The following CDC73 variants were observed in gnomAD, a reference collection of about 807,000 sequenced individuals.
The protein encoded by CDC73 is parafibromin.
A neutral mutation model predicts 83.7 loss-of-function variants in CDC73; 21 were observed. The ratio of observed to expected loss-of-function variants is 0.25; its 90% CI spans 0.18 to 0.36. The LOEUF is 0.36. Ranked by LOEUF, CDC73 falls within the 10% of genes least tolerant of loss-of-function variation. The pLI, the probability that CDC73 is intolerant of heterozygous loss-of-function variation, is 1.00. For missense variants in CDC73, 342 were observed against 653.3 expected, an observed-to-expected ratio of 0.52 and a Z score of 5.19; for synonymous variants, 224 against 212.9, an observed-to-expected ratio of 1.05 and a Z score of -0.45.
intron 2 of CDC73, among the ~76,000 whole-genome samples, chr1:193,129,026 C>T (rs1357333191): frequency 7.4e-6 from 1 of 134,968 alleles, no homozygotes; most frequent in African/African-American, 2.9e-5. Context: ...GAGACAGTGT[C>T]TCACTCTGTC....
At chr1:193,248,028 C>A (rs1468446225) in intron 15 of CDC73, among the ~76,000 whole-genome samples, 4 of 152,052 alleles carry the variant, frequency 2.6e-5, no homozygotes, top group Non-Finnish European at 4.4e-5. Context: ...ATGAAACAGC[C>A]TGTTATTGGA....
At chr1:193,128,321 T>C (rs1395331030) in intron 2 of CDC73, among the ~76,000 whole-genome samples, 17 of 151,940 alleles carry the variant, frequency 1.1e-4, no homozygotes, top group Admixed American at 5.2e-4. Context: ...TGAGACAGAG[T>C]CTTGCTCTGT....
intron 10 of CDC73, among the ~76,000 whole-genome samples, chr1:193,157,068 C>G (rs1676219829): frequency 6.6e-6 from 1 of 152,012 alleles, no homozygotes; most frequent in Non-Finnish European, 1.5e-5. Context: ...GGAGGTAATT[C>G]TTGAATAAGA....
intron 10 of CDC73, among the ~76,000 whole-genome samples, chr1:193,196,036 C>CTTT (rs919926769): frequency 6.6e-6 from 1 of 152,182 alleles, no homozygotes; most frequent in East Asian, 1.9e-4. Flanking sequence ...GTTGTCTGTA[C>CTTT]TTTTGGTTTC....
At chr1:193,131,542 G>C (rs1214258104) in intron 3 of CDC73, among the ~76,000 whole-genome samples, 1 of 152,054 alleles carries the variant, frequency 6.6e-6, no homozygotes, top group Non-Finnish European at 1.5e-5. Context: ...CTCACCTGTG[G>C]CTTCCCATCA....
At chr1:193,185,779 T>C (rs894378847) in intron 10 of CDC73, among the ~76,000 whole-genome samples, 2 of 152,182 alleles carry the variant, frequency 1.3e-5, no homozygotes, top group Non-Finnish European at 2.9e-5. Context: ...CTTCTTCTTA[T>C]TTGCCTTTTC....
intron 2 of CDC73, among the ~76,000 whole-genome samples, chr1:193,126,256 T>C (rs1332116280): frequency 6.6e-6 from 1 of 152,258 alleles, no homozygotes. Context: ...AAAAATTGTT[T>C]CTTAATCAGT....
chr1:193,215,659 G>T (rs1263617623), intron 13 of CDC73, among the ~76,000 whole-genome samples: 4 of 149,480 alleles, frequency 2.7e-5, no homozygotes, highest in Admixed American at 2.7e-4. Flanking sequence ...GTGTGATCTC[G>T]GCTCTCTGCA....
intron 5 of CDC73, chr1:193,136,449 C>A: frequency 3.9e-6 from 1 of 257,320 alleles, no homozygotes. Flanking sequence ...ATTGTTATTG[C>A]TCTATGCTAT....
At chr1:193,167,956 G>T (rs1676460061) in intron 10 of CDC73, among the ~76,000 whole-genome samples, 1 of 152,122 alleles carries the variant, frequency 6.6e-6, no homozygotes, top group South Asian at 2.1e-4. Flanking sequence ...TGCCTCCCGG[G>T]TTCAAGCAGT....
chr1:193,195,594 T>C (rs1018827573), intron 10 of CDC73, among the ~76,000 whole-genome samples: 5 of 152,194 alleles, frequency 3.3e-5, no homozygotes, highest in Non-Finnish European at 5.9e-5. Context: ...ACAATAGCTG[T>C]GCCATTTTAT....
intron 10 of CDC73, among the ~76,000 whole-genome samples, chr1:193,197,351 G>A (rs1440538649): frequency 2.0e-5 from 3 of 152,174 alleles, no homozygotes; most frequent in African/African-American, 4.8e-5. Flanking sequence ...TTGCTAGGTC[G>A]TGACTTATCC....
chr1:193,160,133 A>G (rs542880480), intron 10 of CDC73, among the ~76,000 whole-genome samples: 7 of 152,304 alleles, frequency 4.6e-5, no homozygotes, highest in South Asian at 4.1e-4. Flanking sequence ...AAGAATAACT[A>G]TTAGTTTACC....
At position 193,183,808 on chromosome 1, in the gene CDC73, G is replaced by A. The variant is rs192429943; in HGVS notation, c.973-19987G>A. On this transcript the variant is annotated intron_variant, in intron 10 of 16. Transcript: ENST00000367435. Reference sequence around the variant, plus strand: ...TACAAAGATAAGTTATCTGTTTTCTGCTGATATGATAATACTTGGAATCTG... The same window carrying A: ...TACAAAGATAAGTTATCTGTTTTCTACTGATATGATAATACTTGGAATCTG... Among the ~76,000 whole-genome samples the A allele has an allele frequency of 7.9e-5, 12 of 151,826 alleles. No homozygotes were observed. In the East Asian group the frequency reaches 2.3e-3, roughly 29 times the overall value.
chr1:193,209,192 TCAAA>T (rs1420902055), intron 11 of CDC73, among the ~76,000 whole-genome samples: 1 of 152,218 alleles, frequency 6.6e-6, no homozygotes, highest in Non-Finnish European at 1.5e-5. Context: ...TTATTTGAAA[TCAAA>T]CAGAGCAACA....
At chr1:193,148,176 T>C (rs1192366580) in intron 8 of CDC73, among the ~76,000 whole-genome samples, 10 of 152,262 alleles carry the variant, frequency 6.6e-5, no homozygotes, top group African/African-American at 2.4e-4. Context: ...ATTCTTAATA[T>C]ACCTGGGTCA....
At chr1:193,181,577 G>A (rs773217355) in intron 10 of CDC73, 2 of 1,561,444 alleles carry the variant, frequency 1.3e-6, no homozygotes, top group Admixed American at 4.0e-5. Flanking sequence ...TAAATATCCA[G>A]TAGTGGTATA....
At chr1:193,149,752 T>TA (rs1676072620) in intron 8 of CDC73, among the ~76,000 whole-genome samples, 2 of 152,206 alleles carry the variant, frequency 1.3e-5, no homozygotes, top group African/African-American at 4.8e-5. Flanking sequence ...TATTCCTAAA[T>TA]ATGTGTTTTT....
intron 13 of CDC73, among the ~76,000 whole-genome samples, chr1:193,213,336 GAC>G (rs1158885006): frequency 6.6e-6 from 1 of 150,488 alleles, no homozygotes; most frequent in Non-Finnish European, 1.5e-5. Flanking sequence ...AAGTTTTTTA[GAC>G]ACAGTGTTGC....
Sources: allele counts gnomAD v4.1 joint callset (sites outside exome capture counted in the v4.1 genomes callset), GRCh38; gene constraint gnomAD v4.1.1; transcripts MANE v1.5; gene names NCBI Gene and HGNC (gene_info 2026-07-23, HGNC 2026-07-21).